The following RALGPS1 variants were observed in gnomAD, a reference collection of about 807,000 sequenced individuals.
RALGPS1 encodes Ral GEF with PH domain and SH3 binding motif 1.
In RALGPS1, 19 loss-of-function variants were observed where a neutral mutation model predicts 78.8. The ratio of observed to expected loss-of-function variants is 0.24; its 90% CI spans 0.17 to 0.35. RALGPS1 has a LOEUF of 0.35. Among genes scored for constraint, RALGPS1 ranks in the 10% least tolerant of loss-of-function variants. The pLI, the probability that RALGPS1 is intolerant of heterozygous loss-of-function variation, is 1.00. For synonymous variants in RALGPS1, 228 were observed against 256.3 expected (o/e 0.89, Z 1.06); for missense variants, 454 against 688.3 (o/e 0.66, Z 3.81).
At chr9:127,133,841 G>T (rs2138333642) in intron 8 of RALGPS1, among the ~76,000 whole-genome samples, 1 of 152,180 alleles carries the variant, frequency 6.6e-6, no homozygotes, top group Middle Eastern at 3.4e-3. Flanking sequence ...TTTTGGGCCT[G>T]GTCTCTGTGG....
intron 8 of RALGPS1, among the ~76,000 whole-genome samples, chr9:127,096,301 C>A (rs979829723): frequency 6.6e-6 from 1 of 152,226 alleles, no homozygotes; most frequent in Non-Finnish European, 1.5e-5. Context: ...TGGAGCAGAG[C>A]GCCGGTGGGC....
At chr9:127,208,118 G>T (rs2062032605) in intron 14 of RALGPS1, among the ~76,000 whole-genome samples, 1 of 152,230 alleles carries the variant, frequency 6.6e-6, no homozygotes, top group African/African-American at 2.4e-5. Context: ...GTGCAGTTGA[G>T]TAGAGGCAGC....
At chr9:127,187,335 G>A (rs1354862652) in intron 11 of RALGPS1, among the ~76,000 whole-genome samples, 2 of 152,104 alleles carry the variant, frequency 1.3e-5, no homozygotes, top group African/African-American at 4.8e-5. Context: ...CCTTCCTCAT[G>A]TTCTGACCAG....
chr9:127,149,493 G>A (rs1218325884), intron 8 of RALGPS1, among the ~76,000 whole-genome samples: 1 of 152,226 alleles, frequency 6.6e-6, no homozygotes, highest in African/African-American at 2.4e-5. Flanking sequence ...TCCTGAGCTC[G>A]TGGTAATCCA....
chr9:126,957,713 A>T (rs552812644), intron 1 of RALGPS1, among the ~76,000 whole-genome samples: 15 of 152,132 alleles, frequency 9.9e-5, no homozygotes, highest in Middle Eastern at 3.4e-3. Flanking sequence ...TGGGTTTTTC[A>T]TGGGAGTTTC....
chr9:126,968,896 A>G (rs2039804334), intron 3 of RALGPS1, among the ~76,000 whole-genome samples: 2 of 152,130 alleles, frequency 1.3e-5, no homozygotes, highest in African/African-American at 2.4e-5. Flanking sequence ...TAAAAATACA[A>G]AATTAACTGG....
chr9:127,059,854 G>T (rs1358222074), intron 7 of RALGPS1, among the ~76,000 whole-genome samples: 1 of 152,024 alleles, frequency 6.6e-6, no homozygotes, highest in Non-Finnish European at 1.5e-5. Flanking sequence ...TGTGTTTTAG[G>T]CTCTTAGGCA....
At chr9:127,030,027 T>A (rs747374738) in intron 4 of RALGPS1, among the ~76,000 whole-genome samples, 16 of 152,362 alleles carry the variant, frequency 1.1e-4, no homozygotes, top group South Asian at 4.1e-4. Flanking sequence ...AGTGTCTTTG[T>A]GATAAACATT....
rs146250092 is a variant in RALGPS1 at position 127,210,327 on chromosome 9, A to T, written c.1248-1804A>T. Among the ~76,000 whole-genome samples, 1,405 of 152,352 alleles carry T rather than the reference A, an allele frequency of 9.2e-3. 34 individuals carry two copies. Among genetic ancestry groups the T allele is most frequent in the African/African-American group, 0.032 (1,311 of 41,580 alleles). ...AATTCTGTGTGCACTTTTCACGTGG[A>T]CTTGCCGTGGACTATCTGGGCTGTA... On this transcript the variant is annotated intron_variant, in intron 14 of 18. Coordinates refer to ENST00000259351, the MANE Select transcript of RALGPS1 (RefSeq NM_014636.3).
At chr9:127,156,121 T>G (rs2058697102) in intron 8 of RALGPS1, among the ~76,000 whole-genome samples, 6 of 152,232 alleles carry the variant, frequency 3.9e-5, no homozygotes, top group African/African-American at 1.4e-4. Context: ...TCCGTGTCAG[T>G]TCTTAGAAAT....
chr9:126,969,892 C>T (rs1471868404), intron 3 of RALGPS1, among the ~76,000 whole-genome samples: 1 of 152,036 alleles, frequency 6.6e-6, no homozygotes, highest in Non-Finnish European at 1.5e-5. Context: ...TTTGGCTGTC[C>T]CTGCTGGAGC....
At chr9:126,923,679 GAC>G (rs1294110055) in intron 1 of RALGPS1, among the ~76,000 whole-genome samples, 1 of 152,168 alleles carries the variant, frequency 6.6e-6, no homozygotes, top group Admixed American at 6.5e-5. Context: ...TTGTTGAGAA[GAC>G]ACAGTCTTGC....
At chr9:126,976,402 GTCACACACACCATATAC>G (rs1419446615) in intron 3 of RALGPS1, among the ~76,000 whole-genome samples, 2 of 129,290 alleles carry the variant, frequency 1.5e-5, no homozygotes, top group African/African-American at 5.2e-5. Flanking sequence ...CACATTCACA[GTCACACACACCATATAC>G]TCACACACAC....
At chr9:127,097,274 T>TA (rs1384289029) in intron 8 of RALGPS1, among the ~76,000 whole-genome samples, 1 of 152,240 alleles carries the variant, frequency 6.6e-6, no homozygotes, top group East Asian at 1.9e-4. Flanking sequence ...TTTCTTTTTT[T>TA]AAAAAAGGCA....
At chr9:127,095,005 T>C (rs1293578948) in intron 8 of RALGPS1, among the ~76,000 whole-genome samples, 1 of 152,234 alleles carries the variant, frequency 6.6e-6, no homozygotes, top group Non-Finnish European at 1.5e-5. Context: ...CTGGGGCCTT[T>C]CTCATTGATC....
chr9:126,970,635 G>T (rs946159673), intron 3 of RALGPS1, among the ~76,000 whole-genome samples: 5 of 152,100 alleles, frequency 3.3e-5, no homozygotes, highest in African/African-American at 1.2e-4. Flanking sequence ...GTGTGTGTAT[G>T]TGTGTGAGTG....
chr9:127,048,430 C>G (rs1010750720), intron 5 of RALGPS1, among the ~76,000 whole-genome samples: 1 of 152,208 alleles, frequency 6.6e-6, no homozygotes, highest in Non-Finnish European at 1.5e-5. Context: ...CAGCTGCCTT[C>G]TAATACAGCG....
chr9:127,020,754 C>A (rs1184919307), intron 4 of RALGPS1, among the ~76,000 whole-genome samples: 1 of 152,186 alleles, frequency 6.6e-6, no homozygotes, highest in African/African-American at 2.4e-5. Context: ...AGCTACCGGC[C>A]ATGGATGTGC....
chr9:127,056,899 C>T (rs1196867448), intron 7 of RALGPS1, among the ~76,000 whole-genome samples: 1 of 152,186 alleles, frequency 6.6e-6, no homozygotes, highest in African/African-American at 2.4e-5. Flanking sequence ...TTCCTCTCTG[C>T]TCACTTGTCC....
Sources: gnomAD v4.1 joint callset for allele counts (sites outside exome capture counted in the v4.1 genomes callset) on GRCh38, gnomAD v4.1.1 for gene constraint, MANE v1.5 for transcripts, NCBI Gene and HGNC (gene_info 2026-07-23, HGNC 2026-07-21) for gene names.